The following RGS7 variants were observed in gnomAD, a reference collection of about 807,000 sequenced individuals.
The protein encoded by RGS7 is regulator of G protein signaling 7.
RGS7 carries 27 observed loss-of-function variants against 81.1 expected under a neutral mutation model. The observed-to-expected ratio is 0.33, with a 90% CI of 0.25 to 0.46. The LOEUF (loss-of-function observed/expected upper bound fraction) is 0.46, where lower values mean the gene tolerates loss of function less well. RGS7 is among the 20% of genes least tolerant of loss of function. The pLI, the probability that RGS7 is intolerant of heterozygous loss-of-function variation, is 1.00. For synonymous variants in RGS7, 208 were observed against 207.7 expected (o/e 1.00, Z -0.01); for missense variants, 396 against 607.4 (o/e 0.65, Z 3.66).
At chr1:241,068,215 A>C (rs2062184071) in intron 3 of RGS7, among the ~76,000 whole-genome samples, 5 of 35,588 alleles carry the variant, frequency 1.4e-4, no homozygotes, top group Middle Eastern at 0.038. Flanking sequence ...TTTGGGTTCT[A>C]TCCATAAATT....
intron 14 of RGS7, among the ~76,000 whole-genome samples, chr1:240,809,247 A>G (rs1057008656): frequency 6.6e-6 from 1 of 152,312 alleles, no homozygotes; most frequent in Middle Eastern, 3.4e-3. Context: ...TAGGGAGAGC[A>G]GAGGGTATAT....
rs2077912451 is a variant in RGS7, at chr1:241,271,842, T to A, written c.78+83857A>T. 6.6e-6 allele frequency among the ~76,000 whole-genome samples: 1 copy of A among 151,804 alleles called. No individual in the cohort carries two copies. The highest frequency in any genetic ancestry group is 2.1e-4 in the South Asian group (1 of 4,814). ...CCTCCAGCTTGCAGATAGCAGATTA[T>A]GGGACTTAACCTCCACAATCACACA... On this transcript the variant is annotated intron_variant, in intron 2 of 18. Coordinates refer to ENST00000440928, the MANE Select transcript of RGS7 (RefSeq NM_001364886.1). This position sits in a 1 kb window ranked among gnomAD's most constrained non-coding sequence, Gnocchi z 4.6.
At chr1:240,916,836 TAC>T (rs1449348520) in intron 6 of RGS7, among the ~76,000 whole-genome samples, 1 of 152,172 alleles carries the variant, frequency 6.6e-6, no homozygotes, top group East Asian at 1.9e-4. Context: ...GTCTAAGCCA[TAC>T]AGTCTGTTAT....
At chr1:241,154,080 A>G (rs2068943001) in intron 2 of RGS7, among the ~76,000 whole-genome samples, 1 of 152,204 alleles carries the variant, frequency 6.6e-6, no homozygotes, top group Admixed American at 6.5e-5. Context: ...GGAGACAGAC[A>G]TGTGTCCTGT....
chr1:241,286,455 C>T (rs2078814979), intron 2 of RGS7, among the ~76,000 whole-genome samples: 1 of 152,136 alleles, frequency 6.6e-6, no homozygotes, highest in Non-Finnish European at 1.5e-5. Context: ...AGTTCAGAAA[C>T]ACCGCTAAGA....
intron 3 of RGS7, among the ~76,000 whole-genome samples, chr1:241,089,092 T>TATATATATATATATATATATATATATAC (rs1335136344): frequency 1.6e-4 from 16 of 100,132 alleles, no homozygotes; most frequent in African/African-American, 4.0e-4. Context: ...TATATATATA[T>TATATATATATATATATATATATATATAC]ATATACTGGC....
intron 9 of RGS7, among the ~76,000 whole-genome samples, chr1:240,839,337 G>A (rs1695234024): frequency 6.6e-6 from 1 of 152,148 alleles, no homozygotes; most frequent in Non-Finnish European, 1.5e-5. Flanking sequence ...CAAAGCACAC[G>A]GTTAGAGTGT....
At chr1:241,071,503 T>TC (rs1407259292) in intron 3 of RGS7, among the ~76,000 whole-genome samples, 2 of 152,006 alleles carry the variant, frequency 1.3e-5, no homozygotes, top group Non-Finnish European at 2.9e-5. Flanking sequence ...AAGTGTTTTT[T>TC]TTTTTTTTGT....
At chr1:241,323,892 G>C (rs909634718) in intron 2 of RGS7, among the ~76,000 whole-genome samples, 4 of 152,188 alleles carry the variant, frequency 2.6e-5, no homozygotes, top group Admixed American at 2.6e-4. Flanking sequence ...AAAAGGCCTA[G>C]GCAAATGGTA....
Position 240,802,993 on chromosome 1 carries a change from C to T in RGS7, c.1270G>A (p.Glu424Lys), listed in dbSNP as rs1246443542. 6.3e-7 allele frequency: 1 copy of T among 1,596,054 alleles called. No homozygotes were observed. The highest frequency in any genetic ancestry group is 2.2e-5 in the East Asian group (1 of 44,718). Residue 424 changes from glutamate (E) to lysine (K), a missense_variant and splice_region_variant, in exon 16 of 19, where the codon GAG (glutamate) becomes AAG (lysine). Glu to Lys is a moderately conservative substitution (Grantham distance 56). Transcript: ENST00000440928. ...PGRYTFEDAQ[E>K]HIYKLMKSDS... ...CTTTTCATCAGTTTGTAAATGTGCT[C>T]CTAAAAAGAAATAATGGTTGAGGTG... is the stretch of plus-strand genomic sequence containing the variant.
intron 2 of RGS7, among the ~76,000 whole-genome samples, chr1:241,175,723 A>G (rs1488586681): frequency 6.6e-6 from 1 of 152,186 alleles, no homozygotes; most frequent in Non-Finnish European, 1.5e-5. Context: ...TCAGAGTTAA[A>G]CCTGGAAAAA....
rs1351616271 is a variant in RGS7 at position 240,986,825 on chromosome 1, G to A, written c.176-3696C>T. ...TCTCGATCTCCTGACCTCGTGATCC[G>A]CCCGCCTCGGCCTCCCAAAGTGCTG... is the stretch of plus-strand genomic sequence containing the variant. On this transcript the variant is annotated intron_variant, in intron 3 of 18. Coordinates refer to ENST00000440928, the MANE Select transcript of RGS7 (RefSeq NM_001364886.1). Among the ~76,000 whole-genome samples the A allele has an allele frequency of 4.2e-3, 6 of 1,436 alleles. 3 individuals carry two copies. Among genetic ancestry groups the A allele is most frequent in the Non-Finnish European group, 8.1e-3 (6 of 742 alleles). 0.9% of individuals were successfully genotyped at this position (1,436 alleles called of 152,430 possible).
chr1:241,086,700 C>A (rs920990616), intron 3 of RGS7, among the ~76,000 whole-genome samples: 7 of 152,044 alleles, frequency 4.6e-5, no homozygotes, highest in Non-Finnish European at 1.0e-4. Flanking sequence ...TGGCTCTTTA[C>A]TCTTTTCAGG....
chr1:241,305,755 C>A (rs1468686079), intron 2 of RGS7: 2 of 224,010 alleles, frequency 8.9e-6, no homozygotes, highest in Non-Finnish European at 1.8e-5. Context: ...CAAAGCCACA[C>A]ACCTCTCGGG....
chr1:241,154,596 T>A (rs912738734), intron 2 of RGS7, among the ~76,000 whole-genome samples: 1 of 152,190 alleles, frequency 6.6e-6, no homozygotes, highest in South Asian at 2.1e-4. Context: ...TTAGGGTGTC[T>A]CCCCGAATGT....
chr1:240,920,266 G>A lies in RGS7; in HGVS notation c.385+10451C>T, dbSNP rs528642292. The A allele has an allele frequency of 9.6e-5, 124 of 1,285,812 alleles. 1 individual carries two copies. The South Asian group carries it at 1.2e-3, about 13-fold the overall frequency. 79.7% of individuals were successfully genotyped at this position (1,285,812 alleles called of 1,614,324 possible). On this transcript the variant is annotated intron_variant, in intron 6 of 18. Coordinates refer to ENST00000440928, the MANE Select transcript of RGS7 (RefSeq NM_001364886.1). ...GGTTCTGGAAACTTTGGTGGTGATCGTGGTGGTGGTTTTGGTGGGAATGAC... is the reference window on the plus strand; with the variant it reads ...GGTTCTGGAAACTTTGGTGGTGATCATGGTGGTGGTTTTGGTGGGAATGAC...
intron 16 of RGS7, among the ~76,000 whole-genome samples, chr1:240,802,281 A>G (rs1688146286): frequency 6.6e-6 from 1 of 152,176 alleles, no homozygotes; most frequent in Non-Finnish European, 1.5e-5. Context: ...TATATTGATT[A>G]CATAAGGAGT....
Position 240,801,371 on chromosome 1 carries a change from G to A in RGS7, c.1413+84C>T. On this transcript the variant is annotated intron_variant, in intron 17 of 18. Transcript: ENST00000440928. ...TTTGCTGTTATATCAAGAATGCAAG[G>A]TGGGTAACAGGGCTAGAAATAGGGA... 7 of 829,998 alleles carry A rather than the reference G, an allele frequency of 8.4e-6. No homozygotes were observed. In the South Asian group the frequency reaches 1.0e-4, roughly 12 times the overall value. 51.4% of individuals were successfully genotyped at this position (829,998 alleles called of 1,614,324 possible).
intron 3 of RGS7, among the ~76,000 whole-genome samples, chr1:240,989,222 G>A (rs1028020495): frequency 1.3e-5 from 2 of 151,644 alleles, no homozygotes; most frequent in African/African-American, 4.8e-5. Flanking sequence ...GGTGGATCAT[G>A]AGGTCAGGAG....
Sources: allele counts gnomAD v4.1 joint callset (sites outside exome capture counted in the v4.1 genomes callset), GRCh38; gene constraint gnomAD v4.1.1; non-coding constraint Gnocchi (gnomAD v3.1); transcripts MANE v1.5; gene names NCBI Gene and HGNC (gene_info 2026-07-23, HGNC 2026-07-21).